Variants in ZMYND11 observed in about 807,000 individuals in gnomAD.
ZMYND11 encodes the protein zinc finger MYND domain-containing protein 11.
A neutral mutation model predicts 84.9 loss-of-function variants in ZMYND11; 9 were observed. The ratio of observed to expected loss-of-function variants is 0.11; its 90% CI spans 0.06 to 0.18. ZMYND11 has a LOEUF of 0.18. ZMYND11 is among the 10% of genes least tolerant of loss of function. ZMYND11 has a pLI of 1.00. For synonymous variants in ZMYND11, 250 were observed against 244.1 expected (o/e 1.02, Z -0.23); for missense variants, 409 against 761.0 (o/e 0.54, Z 5.44).
intron 1 of ZMYND11, among the ~76,000 whole-genome samples, chr10:176,563 CAT>C (rs1411326335): frequency 6.6e-6 from 1 of 152,058 alleles, no homozygotes; most frequent in Non-Finnish European, 1.5e-5. Context: ...CCTTGAAAAA[CAT>C]GAGTTATAAA....
intron 4 of ZMYND11, among the ~76,000 whole-genome samples, chr10:230,791 T>A (rs1392642200): frequency 6.6e-6 from 1 of 152,226 alleles, no homozygotes; most frequent in Non-Finnish European, 1.5e-5. Context: ...TGAGTTTAGC[T>A]GCATGGAATA....
chr10:209,765 A>T lies in ZMYND11; in HGVS notation c.117-124A>T, dbSNP rs1944851740. 5.6e-6 allele frequency: 5 copies of T among 885,554 alleles called. No homozygotes were observed. The Admixed American group carries it at 1.1e-4, about 19-fold the overall frequency. 54.9% of individuals were successfully genotyped at this position (885,554 alleles called of 1,614,324 possible). On this transcript the variant is annotated intron_variant, in intron 2 of 14. Coordinates refer to ENST00000381604, the MANE Select transcript of ZMYND11 (RefSeq NM_001370100.5). ...GTGTTCGTTCTTTATCTTGTTCTTT[A>T]TCTCAACAGGACTCTCATAAATACA...
chr10:242,162 G>A lies in ZMYND11; in HGVS notation c.950+23G>A, dbSNP rs371655176. On this transcript the variant is annotated intron_variant, in intron 10 of 14. Coordinates refer to ENST00000381604, the MANE Select transcript of ZMYND11 (RefSeq NM_001370100.5). Reference sequence around the variant, plus strand: ...GAGGTAATTTGTGATCCCATGTTCAGCGGTCACAGCTGTGCTTATGAAGTC... The same window carrying A: ...GAGGTAATTTGTGATCCCATGTTCAACGGTCACAGCTGTGCTTATGAAGTC... 3.7e-6 allele frequency: 6 copies of A among 1,613,516 alleles called. No homozygotes were observed. In the East Asian group the frequency reaches 8.9e-5, roughly 24 times the overall value.
chr10:235,660 A>T (rs1029792584), intron 4 of ZMYND11, among the ~76,000 whole-genome samples: 2 of 152,186 alleles, frequency 1.3e-5, no homozygotes, highest in African/African-American at 4.8e-5. Context: ...CAGGGTTGAG[A>T]AGAACTGCTC....
At chr10:147,110 G>T (rs1564264137) in intron 1 of ZMYND11, among the ~76,000 whole-genome samples, 1 of 152,350 alleles carries the variant, frequency 6.6e-6, no homozygotes, top group Admixed American at 6.5e-5. Flanking sequence ...TGTAGCATGA[G>T]ACTTTACTGA....
chr10:212,937 G>A (rs1037571193), intron 3 of ZMYND11, among the ~76,000 whole-genome samples: 7 of 152,122 alleles, frequency 4.6e-5, no homozygotes, highest in African/African-American at 1.7e-4. Context: ...AATTATATGT[G>A]TATTTTGTTA....
chr10:183,560 A>G (rs904971290), intron 2 of ZMYND11, among the ~76,000 whole-genome samples: 57 of 152,202 alleles, frequency 3.7e-4, no homozygotes, highest in Non-Finnish European at 5.0e-4. Context: ...GACTGCTTCT[A>G]TAAGGACATA....
chr10:154,420 A>T (rs9329277), intron 1 of ZMYND11, among the ~76,000 whole-genome samples: 1 of 152,124 alleles, frequency 6.6e-6, no homozygotes, highest in African/African-American at 2.4e-5. Context: ...AGAAAAAAGC[A>T]AAAAACCTGG....
Position 230,422 on chromosome 10 carries a change from G to A in ZMYND11, c.439-6416G>A, listed in dbSNP as rs184598646. 6.7e-3 allele frequency among the ~76,000 whole-genome samples: 919 copies of A among 136,998 alleles called. 5 individuals carry two copies. Among genetic ancestry groups the A allele is most frequent in the Non-Finnish European group, 9.3e-3 (615 of 65,964 alleles). The allele number at this position is 136,998 out of a possible 152,430, so 89.9% of individuals were successfully genotyped here. On this transcript the variant is annotated intron_variant, in intron 4 of 14. Transcript: ENST00000381604. ...CTGGATGCGGAGGTTGTAGTGAGTT[G>A]AGATCGCACCACTGCACTCCAGCCT...
At chr10:242,842 T>TA (rs1432410876) in intron 10 of ZMYND11, among the ~76,000 whole-genome samples, 1 of 152,180 alleles carries the variant, frequency 6.6e-6, no homozygotes, top group Non-Finnish European at 1.5e-5. Context: ...AACAGAAGTG[T>TA]AGTTATAAGA....
At chr10:182,198 T>G (rs935976668) in intron 2 of ZMYND11, among the ~76,000 whole-genome samples, 18 of 152,102 alleles carry the variant, frequency 1.2e-4, no homozygotes, top group Admixed American at 2.0e-4. Flanking sequence ...AATCTGGGAG[T>G]AAGATAATTA....
chr10:153,136 A>G (rs146689891), intron 1 of ZMYND11, among the ~76,000 whole-genome samples: 364 of 152,310 alleles, frequency 2.4e-3, no homozygotes, highest in Non-Finnish European at 4.1e-3. Context: ...TAGGTAATTC[A>G]CATTCCACCA....
At chr10:185,090 C>G (rs1937826861) in intron 2 of ZMYND11, among the ~76,000 whole-genome samples, 1 of 152,136 alleles carries the variant, frequency 6.6e-6, no homozygotes, top group Admixed American at 6.5e-5. Flanking sequence ...ACCACAAATT[C>G]ATGAATTACC....
At position 223,093 on chromosome 10, in the gene ZMYND11, G is replaced by C. The variant is rs570384826; in HGVS notation, c.438+1737G>C. ...CATCCAGGCTGGAGGGCAGTGGCAT[G>C]ATCTCGGCTCACTGCAACCTCCACT... On this transcript the variant is annotated intron_variant, in intron 4 of 14. Transcript: ENST00000381604. 6.0e-5 allele frequency among the ~76,000 whole-genome samples: 9 copies of C among 151,090 alleles called. No homozygotes were observed. The South Asian group carries it at 1.7e-3, about 28-fold the overall frequency.
At chr10:196,962 T>G (rs930936984) in intron 2 of ZMYND11, among the ~76,000 whole-genome samples, 1 of 152,160 alleles carries the variant, frequency 6.6e-6, no homozygotes, top group African/African-American at 2.4e-5. Context: ...TTAGTTCACG[T>G]GTGTGCCCAC....
intron 1 of ZMYND11, among the ~76,000 whole-genome samples, chr10:139,250 C>G (rs754040365): frequency 2.0e-5 from 3 of 152,178 alleles, no homozygotes; most frequent in African/African-American, 7.2e-5. Flanking sequence ...ATCTGGCACT[C>G]TGTCCATAAC....
chr10:192,433 C>G (rs978185255), intron 2 of ZMYND11, among the ~76,000 whole-genome samples: 7 of 152,172 alleles, frequency 4.6e-5, no homozygotes, highest in Non-Finnish European at 1.0e-4. Context: ...TGCTCCATAT[C>G]TCTTTGTACT....
At chr10:245,255 C>G (rs1200633953) in intron 10 of ZMYND11, among the ~76,000 whole-genome samples, 2 of 152,160 alleles carry the variant, frequency 1.3e-5, no homozygotes, top group African/African-American at 2.4e-5. Flanking sequence ...AAGTTCAACT[C>G]TAACAATTTT....
At chr10:166,033 C>G (rs920298095) in intron 1 of ZMYND11, among the ~76,000 whole-genome samples, 4 of 152,024 alleles carry the variant, frequency 2.6e-5, no homozygotes, top group African/African-American at 9.7e-5. Flanking sequence ...CAGTTGGTGC[C>G]AAGATAACTT....
Sources: allele counts gnomAD v4.1 joint callset (sites outside exome capture counted in the v4.1 genomes callset), GRCh38; gene constraint gnomAD v4.1.1; transcripts MANE v1.5; gene names NCBI Gene and HGNC (gene_info 2026-07-23, HGNC 2026-07-21).